The following BANK1 variants were observed in gnomAD, a reference collection of about 807,000 sequenced individuals.
BANK1 encodes the protein B-cell scaffold protein with ankyrin repeats.
In BANK1, 95 loss-of-function variants were observed where a neutral mutation model predicts 94.5. The ratio of observed to expected loss-of-function variants is 1.00; its 90% CI spans 0.85 to 1.19. The LOEUF is 1.19. BANK1 is among the 50% of genes most tolerant of loss of function. The pLI, the probability that BANK1 is intolerant of heterozygous loss-of-function variation, is 0.00. For missense variants in BANK1, 987 were observed against 932.2 expected, an observed-to-expected ratio of 1.06 and a Z score of -0.77; for synonymous variants, 334 against 308.4, an observed-to-expected ratio of 1.08 and a Z score of -0.87.
intron 5 of BANK1, among the ~76,000 whole-genome samples, chr4:101,877,101 G>A (rs1460503473): frequency 6.6e-6 from 1 of 152,088 alleles, no homozygotes; most frequent in Non-Finnish European, 1.5e-5. Context: ...GCCTTAAGGA[G>A]GAGGTAAAGA....
chr4:101,831,647 G>A (rs1204117100), intron 2 of BANK1, among the ~76,000 whole-genome samples: 2 of 152,028 alleles, frequency 1.3e-5, no homozygotes, highest in Non-Finnish European at 2.9e-5. Context: ...GCTAATTTTT[G>A]TATTTTTAGA....
chr4:101,923,009 A>G (rs963049928), intron 7 of BANK1, among the ~76,000 whole-genome samples: 26 of 151,780 alleles, frequency 1.7e-4, no homozygotes, highest in African/African-American at 6.3e-4. Context: ...CTTTACTCCT[A>G]GAGTCTTGGA....
At chr4:102,040,361 T>C (rs1348202115) in intron 10 of BANK1, among the ~76,000 whole-genome samples, 1 of 152,110 alleles carries the variant, frequency 6.6e-6, no homozygotes, top group Non-Finnish European at 1.5e-5. Context: ...TTTGTATTCT[T>C]TGGGATTATT....
intron 1 of BANK1, among the ~76,000 whole-genome samples, chr4:101,805,836 T>G (rs1725533292): frequency 6.6e-6 from 1 of 151,706 alleles, no homozygotes; most frequent in African/African-American, 2.4e-5. Flanking sequence ...AAAAAAAATC[T>G]TTAAAATTCA....
At chr4:102,016,958 AC>A (rs1414415972) in intron 7 of BANK1, among the ~76,000 whole-genome samples, 1 of 152,172 alleles carries the variant, frequency 6.6e-6, no homozygotes, top group Non-Finnish European at 1.5e-5. Flanking sequence ...GAAAGGAGGG[AC>A]AAAGATGAAA....
At chr4:102,002,295 T>A (rs764070143) in intron 7 of BANK1, among the ~76,000 whole-genome samples, 4 of 152,076 alleles carry the variant, frequency 2.6e-5, no homozygotes, top group Non-Finnish European at 5.9e-5. Context: ...TTAAATCCCA[T>A]TCCAATATTT....
At chr4:101,838,359 T>C (rs575166611) in intron 2 of BANK1, among the ~76,000 whole-genome samples, 1 of 152,344 alleles carries the variant, frequency 6.6e-6, no homozygotes, top group African/African-American at 2.4e-5. Context: ...TACACTGTTT[T>C]ATTACTCAGG....
At chr4:101,827,326 T>C (rs1726403872) in intron 1 of BANK1, among the ~76,000 whole-genome samples, 2 of 152,108 alleles carry the variant, frequency 1.3e-5, no homozygotes, top group East Asian at 3.9e-4. Flanking sequence ...TATTTTAAGA[T>C]AAAAATTTCT....
chr4:101,828,383 T>TTA (rs60877981), intron 1 of BANK1, among the ~76,000 whole-genome samples: 16,707 of 141,602 alleles, frequency 0.12, 1,074 homozygotes, highest in Admixed American at 0.23. Context: ...ATGAGTGAAT[T>TTA]TATATATATA....
intron 11 of BANK1, among the ~76,000 whole-genome samples, chr4:102,047,500 A>G (rs1323617186): frequency 6.6e-6 from 1 of 152,162 alleles, no homozygotes; most frequent in African/African-American, 2.4e-5. Context: ...GCAAAGCTAC[A>G]TGTAAGATCA....
chr4:101,952,615 A>G (rs910084019), intron 7 of BANK1, among the ~76,000 whole-genome samples: 7 of 152,168 alleles, frequency 4.6e-5, no homozygotes, highest in Non-Finnish European at 1.0e-4. Flanking sequence ...GACTCCAAGA[A>G]GACAGAAATT....
At chr4:101,826,206 T>C (rs1171204053) in intron 1 of BANK1, among the ~76,000 whole-genome samples, 4 of 152,180 alleles carry the variant, frequency 2.6e-5, no homozygotes, top group Middle Eastern at 3.4e-3. Context: ...GACTACCCCA[T>C]AGGCTGCTTG....
intron 6 of BANK1, among the ~76,000 whole-genome samples, chr4:101,917,762 CAAGT>C (rs1475050385): frequency 6.6e-6 from 1 of 151,354 alleles, no homozygotes; most frequent in Non-Finnish European, 1.5e-5. Context: ...ACTTACCTCA[CAAGT>C]AAGATTGGTG....
rs550439815 is a variant in BANK1 at position 101,987,922 on chromosome 4, A to G, written c.1207-33592A>G. On this transcript the variant is annotated intron_variant, in intron 7 of 16. Coordinates refer to ENST00000322953, the MANE Select transcript of BANK1 (RefSeq NM_017935.5). The stretch of plus-strand genomic sequence containing the variant: ...CCTGTGGGAGAAAGCATGAAAAGCC[A>G]GTGCAAGATTCTCCACATCCCCTTC... 9.8e-5 allele frequency among the ~76,000 whole-genome samples: 15 copies of G among 152,320 alleles called. No homozygotes were observed. In the South Asian group the frequency reaches 2.9e-3, roughly 29 times the overall value.
At chr4:102,017,083 A>C (rs189563643) in intron 7 of BANK1, among the ~76,000 whole-genome samples, 2 of 152,358 alleles carry the variant, frequency 1.3e-5, no homozygotes, top group Admixed American at 1.3e-4. Context: ...AGTGTGATAC[A>C]TTGTTTTAAT....
In BANK1 at chr4:101,888,938, G is replaced by C. The variant is rs149988734; in HGVS notation, c.904-6367G>C. On this transcript the variant is annotated intron_variant, in intron 5 of 16. Coordinates refer to ENST00000322953, the MANE Select transcript of BANK1 (RefSeq NM_017935.5). ...GCCTCTCGATGCCATTTTGCTCAGT[G>C]TTCACACCCCTCATCAAAGAGAGGA... 7.0e-3 allele frequency among the ~76,000 whole-genome samples: 1,060 copies of C among 152,240 alleles called. 12 individuals carry two copies. The highest frequency in any genetic ancestry group is 0.024 in the African/African-American group (988 of 41,532).
At chr4:101,945,553 C>T (rs1449339459) in intron 7 of BANK1, among the ~76,000 whole-genome samples, 1 of 151,828 alleles carries the variant, frequency 6.6e-6, no homozygotes, top group Non-Finnish European at 1.5e-5. Context: ...ACTTAGTAGA[C>T]CATGAATCAA....
chr4:102,043,698 C>T (rs149453240), intron 10 of BANK1, 141 bp from the exon 11 acceptor site: 8 of 504,224 alleles, frequency 1.6e-5, no homozygotes, highest in Middle Eastern at 5.7e-4. Flanking sequence ...ATTTGATAAT[C>T]TTCCTACTCA....
At chr4:102,044,035 T>A (rs1362618321) in intron 11 of BANK1, 128 bp downstream of exon 11, 12 of 513,910 alleles carry the variant, frequency 2.3e-5, no homozygotes, top group South Asian at 1.4e-4. Context: ...TACTCTTTTT[T>A]TTATTATTAT....
Sources: allele counts gnomAD v4.1 joint callset (sites outside exome capture counted in the v4.1 genomes callset), GRCh38; gene constraint gnomAD v4.1.1; transcripts MANE v1.5; gene names NCBI Gene and HGNC (gene_info 2026-07-23, HGNC 2026-07-21).